The following SPMIP7 variants were observed in gnomAD, a reference collection of about 807,000 sequenced individuals.
The protein encoded by SPMIP7 is sperm microtubule inner protein 7, also known as protein SPMIP7.
At chr7:50,117,060 T>C in the SPMIP7 span, among the ~76,000 whole-genome samples, 2 of 152,218 alleles carry the variant, frequency 1.3e-5, no homozygotes, top group Admixed American at 6.5e-5. Context: ...TTTTCCCTAA[T>C]GGCCTCACCA....
chr7:50,128,568 C>T, the SPMIP7 span, among the ~76,000 whole-genome samples: 19 of 151,946 alleles, frequency 1.3e-4, no homozygotes, highest in African/African-American at 4.6e-4. Context: ...CAAATTATCA[C>T]ATTTACCCCC....
At chr7:50,106,077 T>A in the SPMIP7 span, among the ~76,000 whole-genome samples, 1 of 152,226 alleles carries the variant, frequency 6.6e-6, no homozygotes, top group Non-Finnish European at 1.5e-5. Flanking sequence ...AGTGAATAAA[T>A]CTAGATATTA....
the SPMIP7 span, among the ~76,000 whole-genome samples, chr7:50,111,604 G>A: frequency 6.6e-5 from 10 of 152,054 alleles, no homozygotes; most frequent in South Asian, 2.1e-4. Context: ...TGCAAACTTC[G>A]AGCATACTTA....
At chr7:50,136,345 C>G in the SPMIP7 span, among the ~76,000 whole-genome samples, 21 of 152,266 alleles carry the variant, frequency 1.4e-4, no homozygotes, top group Non-Finnish European at 4.4e-5. Flanking sequence ...AGGACAGTTG[C>G]TCAGTGTGCC....
the SPMIP7 span, chr7:50,095,930 A>C: frequency 1.9e-6 from 1 of 532,644 alleles, no homozygotes; most frequent in Non-Finnish European, 3.0e-6. Context: ...CCTTAAAAAG[A>C]AAAACAAAAT....
At chr7:50,149,363 T>C in the SPMIP7 span, among the ~76,000 whole-genome samples, 1 of 152,252 alleles carries the variant, frequency 6.6e-6, no homozygotes, top group African/African-American at 2.4e-5. Flanking sequence ...TAGCATCTAT[T>C]AAGTGCTAAC....
chr7:50,151,282 C>T, the SPMIP7 span, among the ~76,000 whole-genome samples: 1 of 152,122 alleles, frequency 6.6e-6, no homozygotes, highest in African/African-American at 2.4e-5. Flanking sequence ...CCCAGGCCTG[C>T]ACTGTTTCCT....
At chr7:50,151,848 T>C in the SPMIP7 span, among the ~76,000 whole-genome samples, 1 of 152,198 alleles carries the variant, frequency 6.6e-6, no homozygotes, top group Non-Finnish European at 1.5e-5. Context: ...TATGAAGGTA[T>C]TTCAGGCGCA....
At chr7:50,115,537 C>A in the SPMIP7 span, among the ~76,000 whole-genome samples, 13 of 151,884 alleles carry the variant, frequency 8.6e-5, no homozygotes, top group African/African-American at 2.2e-4. Flanking sequence ...CAAATGAAAT[C>A]AAAAAATTGA....
At chr7:50,145,637 T>TATAC in the SPMIP7 span, among the ~76,000 whole-genome samples, 1 of 100,458 alleles carries the variant, frequency 1.0e-5, no homozygotes, top group Non-Finnish European at 2.0e-5. Flanking sequence ...TATATATATA[T>TATAC]ATATATATAT....
At chr7:50,133,377 T>C in the SPMIP7 span, among the ~76,000 whole-genome samples, 1 of 152,134 alleles carries the variant, frequency 6.6e-6, no homozygotes, top group African/African-American at 2.4e-5. Context: ...AGGCAGATTA[T>C]TTTTGCAGGG....
the SPMIP7 span, chr7:50,141,188 T>C: frequency 9.9e-6 from 8 of 809,326 alleles, no homozygotes; most frequent in South Asian, 1.5e-4. Context: ...CTTTGGCAAA[T>C]AAATTTCCTT....
At chr7:50,131,735 A>G in the SPMIP7 span, among the ~76,000 whole-genome samples, 1 of 152,170 alleles carries the variant, frequency 6.6e-6, no homozygotes, top group Non-Finnish European at 1.5e-5. Flanking sequence ...TATTCACATC[A>G]TGCAAATAGG....
At chr7:50,138,019 T>A in the SPMIP7 span, among the ~76,000 whole-genome samples, 2 of 152,320 alleles carry the variant, frequency 1.3e-5, no homozygotes, top group African/African-American at 4.8e-5. Context: ...TTCATCAATA[T>A]TTTTCTTCAG....
At chr7:50,156,827 C>T in the SPMIP7 span, among the ~76,000 whole-genome samples, 2 of 152,130 alleles carry the variant, frequency 1.3e-5, no homozygotes, top group African/African-American at 4.8e-5. Context: ...AGAACCCCAG[C>T]GGAGTCTCCC....
the SPMIP7 span, chr7:50,134,031 T>C: frequency 1.2e-5 from 15 of 1,297,688 alleles, no homozygotes; most frequent in Non-Finnish European, 1.5e-5. Context: ...GATTCTCTTA[T>C]CATAGTATCA....
At chr7:50,129,834 T>A in the SPMIP7 span, 2 of 1,332,868 alleles carry the variant, frequency 1.5e-6, no homozygotes, top group South Asian at 2.6e-5. Context: ...TTGGAATATA[T>A]TTCTTTTTCC....
the SPMIP7 span, among the ~76,000 whole-genome samples, chr7:50,140,816 G>T: frequency 1.3e-5 from 2 of 152,184 alleles, no homozygotes; most frequent in Non-Finnish European, 2.9e-5. Context: ...GAAACTCTCT[G>T]ATTGGCATTA....
At chr7:50,155,524 T>G in the SPMIP7 span, among the ~76,000 whole-genome samples, 1 of 152,192 alleles carries the variant, frequency 6.6e-6, no homozygotes, top group Non-Finnish European at 1.5e-5. Flanking sequence ...CTAATCCCTT[T>G]TCTTTTTTGT....
Sources: gnomAD v4.1 joint callset for allele counts (sites outside exome capture counted in the v4.1 genomes callset) on GRCh38, gnomAD v4.1.1 for gene constraint, MANE v1.5 for transcripts, NCBI Gene and HGNC (gene_info 2026-07-23, HGNC 2026-07-21) for gene names.